DDX50: variants seen among roughly 807,000 people sequenced by gnomAD.
DDX50 encodes ATP-dependent RNA helicase DDX50.
In DDX50, 56 loss-of-function variants were observed where a neutral mutation model predicts 94.8. That is an observed-to-expected ratio of 0.59 (90% CI 0.48 to 0.74). DDX50 has a LOEUF of 0.74. DDX50 is among the 30% of genes least tolerant of loss of function. The pLI is 0.00. For synonymous variants in DDX50, 264 were observed against 295.4 expected (o/e 0.89, Z 1.09); for missense variants, 713 against 881.2 (o/e 0.81, Z 2.42).
chr10:68,904,127 A>G (rs1841373846), intron 1 of DDX50, among the ~76,000 whole-genome samples: 2 of 151,510 alleles, frequency 1.3e-5, no homozygotes, highest in African/African-American at 2.4e-5. Flanking sequence ...CTGGGCAACA[A>G]GAGCGAAACT....
At position 68,946,558 on chromosome 10, in the gene DDX50, A is replaced by C. The variant is rs1176987373; in HGVS notation, c.2142A>C (p.Arg714=). The C allele has an allele frequency of 6.2e-7, 1 of 1,614,226 alleles. No homozygotes were observed. Among genetic ancestry groups the C allele is most frequent in the South Asian group, 1.1e-5 (1 of 91,090 alleles). ...GACAAGGAAGTCGCTCAGGAAGTCGACAAGATGGTAGAAGACGAAGTGGGA... is the reference window on the plus strand; with the variant it reads ...GACAAGGAAGTCGCTCAGGAAGTCGCCAAGATGGTAGAAGACGAAGTGGGA... The part of the protein sequence containing the change: ...QSRQGSRSGS[R]QDGRRRSGNR... Residue 714 remains arginine, a synonymous_variant, in exon 15 of 15, where the codon CGA becomes CGC. Transcript: ENST00000373585.
intron 11 of DDX50, 66 bp downstream of exon 11, chr10:68,936,145 C>G: frequency 1.5e-6 from 2 of 1,337,542 alleles, no homozygotes; most frequent in Non-Finnish European, 2.1e-6. Context: ...GTAAGCTCTC[C>G]CAGTTCAAAT....
Position 68,946,347 on chromosome 10 carries a change from A to G in DDX50, c.1936-5A>G, listed in dbSNP as rs1185554715. On this transcript the variant is annotated splice_region_variant and splice_polypyrimidine_tract_variant and intron_variant, in intron 14 of 14. Transcript: ENST00000373585. The stretch of plus-strand genomic sequence containing the variant: ...TTATATTAATCCTGTAAATTCCCCT[A>G]ACAGGCAGAGTGGCATGATTCCGAC... 1.9e-6 allele frequency: 3 copies of G among 1,602,594 alleles called. No homozygotes were observed. Among genetic ancestry groups the G allele is most frequent in the Middle Eastern group, 1.7e-4 (1 of 6,002 alleles).
chr10:68,904,618 A>G (rs1013882288), intron 1 of DDX50, among the ~76,000 whole-genome samples: 2 of 152,210 alleles, frequency 1.3e-5, no homozygotes, highest in Non-Finnish European at 2.9e-5. Flanking sequence ...GGAGAGTGCC[A>G]AGCATTGTGG....
At chr10:68,929,919 G>T (rs994372506) in intron 8 of DDX50, among the ~76,000 whole-genome samples, 1 of 151,530 alleles carries the variant, frequency 6.6e-6, no homozygotes, top group Admixed American at 6.6e-5. Flanking sequence ...TTTTAGTGGA[G>T]ACGGGGTTTT....
rs531312043 is a variant in DDX50, at chr10:68,945,138, C to CT, written c.1936-1211dup. ...TCTTTATGCATTGCCATGTTTATCT[C>CT]TTTAAGATGAGTTTTTAAATGTGAT... is the stretch of plus-strand genomic sequence containing the variant. On this transcript the variant is annotated intron_variant, in intron 14 of 14. Coordinates refer to ENST00000373585, the MANE Select transcript of DDX50 (RefSeq NM_024045.2). Among the ~76,000 whole-genome samples the CT allele has an allele frequency of 1.1e-3, 168 of 152,156 alleles. 1 individual carries two copies. The highest frequency in any genetic ancestry group is 4.0e-3 in the African/African-American group (164 of 41,508).
chr10:68,918,759 C>A (rs970995370), intron 7 of DDX50, among the ~76,000 whole-genome samples: 1 of 152,092 alleles, frequency 6.6e-6, no homozygotes. Context: ...CGCTGTCAAC[C>A]ACTAGTCTGT....
At chr10:68,918,422 TC>T (rs1841857473) in intron 7 of DDX50, among the ~76,000 whole-genome samples, 1 of 143,052 alleles carries the variant, frequency 7.0e-6, no homozygotes. Context: ...TACTCTCCAT[TC>T]CCTCCTTTTT....
At position 68,934,651 on chromosome 10, in the gene DDX50, C is replaced by A. The variant is rs1842360855; in HGVS notation, c.1402-148C>A. ...AGGTTTTAAATCATATTGCCTTTACCCCAAAATCCACACATATAAATTGTT... is the reference window on the plus strand; with the variant it reads ...AGGTTTTAAATCATATTGCCTTTACACCAAAATCCACACATATAAATTGTT... On this transcript the variant is annotated intron_variant, in intron 9 of 14. Transcript: ENST00000373585. This position sits in a 1 kb window ranked among gnomAD's most constrained non-coding sequence, Gnocchi z 4.0. 11 of 1,096,644 alleles carry A rather than the reference C, an allele frequency of 1.0e-5. No individual in the cohort carries two copies. Among genetic ancestry groups the A allele is most frequent in the African/African-American group, 1.6e-5 (1 of 61,384 alleles). 67.9% of individuals were successfully genotyped at this position (1,096,644 alleles called of 1,614,324 possible). A position where few individuals can be genotyped will look rare whatever the true frequency, so the allele number is the denominator to read the frequency against.
intron 8 of DDX50, among the ~76,000 whole-genome samples, chr10:68,921,131 CATATT>C (rs1841929235): frequency 6.6e-6 from 1 of 150,762 alleles, no homozygotes; most frequent in South Asian, 2.1e-4. Flanking sequence ...CCCTGGATAT[CATATT>C]ATTATATCCA....
intron 14 of DDX50, 143 bp downstream of exon 14, chr10:68,943,400 C>G: frequency 1.4e-6 from 1 of 706,910 alleles, no homozygotes; most frequent in South Asian, 2.2e-5. Context: ...CAGTCTGTCT[C>G]AAACTTAAAT....
intron 8 of DDX50, among the ~76,000 whole-genome samples, chr10:68,925,533 C>T (rs1842061318): frequency 6.6e-6 from 1 of 152,140 alleles, no homozygotes; most frequent in Non-Finnish European, 1.5e-5. Flanking sequence ...GACTCAAAGT[C>T]ACTGTCTTCC....
chr10:68,910,310 T>C lies in DDX50; in HGVS notation c.388T>C (p.Leu130=), dbSNP rs1202562462. The part of the protein sequence containing the change: ...KSSDNKLEET[L]TREQKEGAFS... ...GCCATTGATTTCATTTTTACAGACC[T>C]TAACACGTGAACAGAAAGAAGGAGC... Residue 130 remains leucine, a synonymous_variant, in exon 3 of 15, where the codon TTA becomes CTA. Transcript: ENST00000373585. 1 of 1,604,810 alleles carries C rather than the reference T, an allele frequency of 6.2e-7. No homozygotes were observed. The highest frequency in any genetic ancestry group is 8.5e-7 in the Non-Finnish European group (1 of 1,177,344).
intron 14 of DDX50, among the ~76,000 whole-genome samples, chr10:68,945,991 T>C (rs1280146396): frequency 3.3e-5 from 5 of 151,864 alleles, no homozygotes; most frequent in Non-Finnish European, 5.9e-5. Flanking sequence ...TTTTAGAATG[T>C]ATATTTATTA....
intron 8 of DDX50, among the ~76,000 whole-genome samples, chr10:68,927,561 C>G (rs1322893256): frequency 1.3e-5 from 2 of 152,172 alleles, no homozygotes; most frequent in Non-Finnish European, 2.9e-5. Flanking sequence ...TTTGTACATA[C>G]GTACATATGC....
At chr10:68,913,126 A>T in intron 4 of DDX50, 36 bp from the exon 5 acceptor site, 1 of 1,534,078 alleles carries the variant, frequency 6.5e-7, no homozygotes, top group Non-Finnish European at 8.8e-7. Flanking sequence ...ATGTCTTTAG[A>T]AAAGTATCTT....
intron 14 of DDX50, 120 bp downstream of exon 14, chr10:68,943,377 A>C (rs1217782850): frequency 1.3e-6 from 1 of 789,928 alleles, no homozygotes; most frequent in Non-Finnish European, 2.0e-6. Flanking sequence ...GGAATTCCTT[A>C]ATATAAAATA....
Position 68,911,099 on chromosome 10 carries a change from A to G in DDX50, c.492A>G (p.Gln164=), listed in dbSNP as rs1391081541. The change falls in exon 4 of 15, where the codon CAA becomes CAG. Residue 164 remains glutamine (Q), a synonymous_variant. Coordinates refer to ENST00000373585, the MANE Select transcript of DDX50 (RefSeq NM_024045.2). ...GRGVTYLFPI[Q]VKTFGPVYEG... ...GGGTAACATATCTCTTTCCTATTCAAGTTAAGACCTTTGGTCCTGTATATG... is the reference window on the plus strand; with the variant it reads ...GGGTAACATATCTCTTTCCTATTCAGGTTAAGACCTTTGGTCCTGTATATG... 4.4e-6 allele frequency: 7 copies of G among 1,581,210 alleles called. No individual in the cohort carries two copies. The highest frequency in any genetic ancestry group is 1.4e-5 in the African/African-American group (1 of 73,680).
intron 8 of DDX50, among the ~76,000 whole-genome samples, chr10:68,933,594 A>G (rs1170805770): frequency 6.6e-6 from 1 of 152,146 alleles, no homozygotes; most frequent in Non-Finnish European, 1.5e-5. Context: ...AAATAAATAC[A>G]TAAAGTCATA....
Sources: gnomAD v4.1 joint callset for allele counts (sites outside exome capture counted in the v4.1 genomes callset) on GRCh38, gnomAD v4.1.1 for gene constraint, Gnocchi (gnomAD v3.1) non-coding constraint, MANE v1.5 for transcripts, NCBI Gene and HGNC (gene_info 2026-07-23, HGNC 2026-07-21) for gene names.